The following NREP variants were observed in gnomAD, a reference collection of about 807,000 sequenced individuals.
NREP encodes the protein neuronal regeneration-related protein.
In NREP, 5 loss-of-function variants were observed where a neutral mutation model predicts 8.6. The ratio of observed to expected loss-of-function variants is 0.58; its 90% CI spans 0.30 to 1.22. The LOEUF (loss-of-function observed/expected upper bound fraction) is 1.22, where lower values mean the gene tolerates loss of function less well. Ranked by LOEUF, NREP falls within the 50% of genes most tolerant of loss-of-function variation. NREP has a pLI of 0.07. For missense variants in NREP, 86 were observed against 82.5 expected, an observed-to-expected ratio of 1.04 and a Z score of -0.17; for synonymous variants, 27 against 28.0, an observed-to-expected ratio of 0.96 and a Z score of 0.11.
intron 2 of NREP, among the ~76,000 whole-genome samples, chr5:111,812,467 T>TA (rs1253722191): frequency 2.0e-5 from 3 of 151,978 alleles, no homozygotes; most frequent in Admixed American, 2.0e-4. Context: ...TATTAATAGC[T>TA]AAAAAAAGAG....
At chr5:111,763,076 C>A (rs1272285432) in intron 2 of NREP, among the ~76,000 whole-genome samples, 2 of 152,148 alleles carry the variant, frequency 1.3e-5, no homozygotes, top group Non-Finnish European at 1.5e-5. Context: ...TTACAATTGA[C>A]CCTGTCCACT....
intron 2 of NREP, among the ~76,000 whole-genome samples, chr5:111,948,287 C>T (rs780547514): frequency 2.0e-5 from 3 of 152,068 alleles, no homozygotes; most frequent in South Asian, 2.1e-4. Context: ...TGTATGGCAG[C>T]GAACAGCTGT....
chr5:111,908,697 T>A (rs887364287), intron 2 of NREP, among the ~76,000 whole-genome samples: 2 of 152,100 alleles, frequency 1.3e-5, no homozygotes, highest in African/African-American at 4.8e-5. Context: ...CTTGGTTGAC[T>A]CCGTGTTTTT....
intron 2 of NREP, among the ~76,000 whole-genome samples, chr5:111,750,111 T>A (rs1750260796): frequency 6.6e-6 from 1 of 152,132 alleles, no homozygotes; most frequent in Admixed American, 6.5e-5. Context: ...CTAGGTCTAG[T>A]TTTTGAGGTC....
chr5:111,875,309 AAGAT>A (rs1393781142), intron 2 of NREP, among the ~76,000 whole-genome samples: 2 of 152,160 alleles, frequency 1.3e-5, no homozygotes, highest in African/African-American at 4.8e-5. Flanking sequence ...GAAAAAGAAA[AAGAT>A]AGATAGAAAA....
chr5:111,817,905 T>A (rs562436731), intron 2 of NREP, among the ~76,000 whole-genome samples: 1 of 151,824 alleles, frequency 6.6e-6, no homozygotes, highest in South Asian at 2.1e-4. Flanking sequence ...TGTGTAAGAA[T>A]TGACCCTGAG....
At chr5:111,965,997 C>T (rs1486224006) in intron 2 of NREP, among the ~76,000 whole-genome samples, 1 of 152,172 alleles carries the variant, frequency 6.6e-6, no homozygotes, top group South Asian at 2.1e-4. Context: ...ATGTGAATGG[C>T]CTCCCTCTAA....
intron 2 of NREP, among the ~76,000 whole-genome samples, chr5:111,927,011 G>A (rs1581225580): frequency 6.6e-6 from 1 of 151,960 alleles, no homozygotes; most frequent in South Asian, 2.1e-4. Flanking sequence ...TGGCCAGCGT[G>A]TCTCCCCTAT....
At chr5:111,850,316 G>C (rs1433049141) in intron 2 of NREP, among the ~76,000 whole-genome samples, 6 of 151,958 alleles carry the variant, frequency 3.9e-5, no homozygotes, top group Non-Finnish European at 7.4e-5. Context: ...TCCTGCTTTG[G>C]ACTCATGACT....
At chr5:111,971,489 T>C (rs1206431696) in intron 2 of NREP, among the ~76,000 whole-genome samples, 1 of 151,644 alleles carries the variant, frequency 6.6e-6, no homozygotes, top group Non-Finnish European at 1.5e-5. Flanking sequence ...AAAGCTAGAG[T>C]AAACAAATTC....
intron 2 of NREP, among the ~76,000 whole-genome samples, chr5:111,844,955 T>A (rs967623537): frequency 1.3e-5 from 2 of 151,880 alleles, no homozygotes; most frequent in African/African-American, 4.8e-5. Context: ...AAATATTATA[T>A]ATATAAAGCC....
chr5:111,827,119 C>T (rs1166360394), intron 2 of NREP, among the ~76,000 whole-genome samples: 4 of 152,062 alleles, frequency 2.6e-5, no homozygotes, highest in African/African-American at 7.2e-5. Context: ...TGTTAGTAGT[C>T]GGCTTTCCCA....
intron 2 of NREP, among the ~76,000 whole-genome samples, chr5:111,845,241 A>T (rs1196520392): frequency 1.3e-5 from 2 of 150,916 alleles, no homozygotes; most frequent in Non-Finnish European, 2.9e-5. Context: ...TAACAAACGT[A>T]ATGTGAAACT....
At chr5:111,928,455 TTGAAATATATGTG>T in intron 2 of NREP, among the ~76,000 whole-genome samples, 1 of 152,268 alleles carries the variant, frequency 6.6e-6, no homozygotes, top group African/African-American at 2.4e-5. Flanking sequence ...TGTATTTGAA[TTGAAATATATGTG>T]TGAATCTACG....
intron 2 of NREP, among the ~76,000 whole-genome samples, chr5:111,814,409 C>T (rs1191980896): frequency 6.6e-6 from 1 of 152,098 alleles, no homozygotes. Flanking sequence ...CAATTACATG[C>T]CATTCGAAGA....
intron 2 of NREP, among the ~76,000 whole-genome samples, chr5:111,892,388 A>C (rs146894034): frequency 1.3e-3 from 199 of 152,312 alleles, no homozygotes; most frequent in East Asian, 9.3e-3. Flanking sequence ...TAAACAGGAA[A>C]TGAAAAGCCC....
chr5:111,895,603 G>T (rs1581199565), intron 2 of NREP, among the ~76,000 whole-genome samples: 1 of 151,976 alleles, frequency 6.6e-6, no homozygotes, highest in East Asian at 1.9e-4. Context: ...GTTATCTAAG[G>T]GTTAATACCT....
At chr5:111,927,593 T>C (rs1755425054) in intron 2 of NREP, among the ~76,000 whole-genome samples, 1 of 152,212 alleles carries the variant, frequency 6.6e-6, no homozygotes, top group East Asian at 1.9e-4. Context: ...TAATTTCACA[T>C]TGTGATTGTA....
intron 2 of NREP, among the ~76,000 whole-genome samples, chr5:111,860,220 C>T (rs1463280782): frequency 6.6e-6 from 1 of 152,100 alleles, no homozygotes; most frequent in Admixed American, 6.6e-5. Flanking sequence ...CTTTTGAGTT[C>T]TCTGTCTCCA....
Sources: gnomAD v4.1 joint callset for allele counts (sites outside exome capture counted in the v4.1 genomes callset) on GRCh38, gnomAD v4.1.1 for gene constraint, MANE v1.5 for transcripts, NCBI Gene and HGNC (gene_info 2026-07-23, HGNC 2026-07-21) for gene names.